Variants in CLIP4 observed in about 807,000 individuals in gnomAD.
CLIP4 encodes CAP-Gly domain containing linker protein family member 4.
A neutral mutation model predicts 73.1 loss-of-function variants in CLIP4; 47 were observed. The observed-to-expected ratio is 0.64, with a 90% CI of 0.51 to 0.82. The LOEUF (loss-of-function observed/expected upper bound fraction) is 0.82, where lower values mean the gene tolerates loss of function less well. Among genes scored for constraint, CLIP4 ranks in the 40% least tolerant of loss-of-function variants. The pLI, the probability that CLIP4 is intolerant of heterozygous loss-of-function variation, is 0.00. For synonymous variants in CLIP4, 306 were observed against 295.4 expected (o/e 1.04, Z -0.37); for missense variants, 874 against 852.9 (o/e 1.02, Z -0.31).
At chr2:29,125,887 T>G (rs371611420) in intron 2 of CLIP4, among the ~76,000 whole-genome samples, 1 of 152,288 alleles carries the variant, frequency 6.6e-6, no homozygotes, top group East Asian at 1.9e-4. Flanking sequence ...TAAAAGCTAT[T>G]TTTTAGGCCG....
At chr2:29,126,675 T>C (rs567905798) in intron 2 of CLIP4, among the ~76,000 whole-genome samples, 19 of 152,318 alleles carry the variant, frequency 1.2e-4, no homozygotes. Flanking sequence ...CGATGGACTT[T>C]CCTGGTTTGC....
chr2:29,181,749 C>G lies in CLIP4; in HGVS notation c.1974C>G (p.Leu658=), dbSNP rs1668658105. 6.2e-7 allele frequency: 1 copy of G among 1,613,990 alleles called. No homozygotes were observed. Among genetic ancestry groups the G allele is most frequent in the Non-Finnish European group, 8.5e-7 (1 of 1,180,014 alleles). ...CAGGTATCTGGCTTGGACTTGAGCTCCGAAGCGCCAAGGGAAAAAATGATG... is the reference window on the plus strand; with the variant it reads ...CAGGTATCTGGCTTGGACTTGAGCTGCGAAGCGCCAAGGGAAAAAATGATG... The part of the protein sequence containing the change: ...FASGIWLGLE[L]RSAKGKNDGS... Residue 658 remains leucine, a synonymous_variant, in exon 16 of 16, where the codon CTC becomes CTG. Coordinates refer to ENST00000320081, the MANE Select transcript of CLIP4 (RefSeq NM_024692.6).
intron 12 of CLIP4, among the ~76,000 whole-genome samples, chr2:29,163,345 C>T (rs1667408823): frequency 6.6e-6 from 1 of 151,872 alleles, no homozygotes; most frequent in Non-Finnish European, 1.5e-5. Flanking sequence ...GTGGTATTTT[C>T]TATAATATTT....
intron 3 of CLIP4, 134 bp downstream of exon 3, chr2:29,131,531 G>A: frequency 3.4e-6 from 3 of 895,222 alleles, no homozygotes; most frequent in Non-Finnish European, 5.0e-6. Context: ...GTATTTCCAG[G>A]ATTTTCATGG....
intron 1 of CLIP4, among the ~76,000 whole-genome samples, chr2:29,107,833 C>G (rs1668272363): frequency 6.6e-6 from 1 of 152,146 alleles, no homozygotes; most frequent in African/African-American, 2.4e-5. Flanking sequence ...ACTACAAGCA[C>G]ATGCTGCTGC....
In CLIP4 at chr2:29,156,436, G is replaced by A. The variant is rs1417795152; in HGVS notation, c.1248G>A (p.Glu416=). ...GTGAAGAACTTAAAACTGTGACAGA[G>A]AAAGATGGTAATATACCTTGTAACC... is the stretch of plus-strand genomic sequence containing the variant. ...PPGEELKTVT[E]KDVALLGSVS... The change falls in exon 10 of 16, where the codon GAG becomes GAA. Residue 416 remains glutamate, a synonymous_variant. Coordinates refer to ENST00000320081, the MANE Select transcript of CLIP4 (RefSeq NM_024692.6). 2 of 1,570,904 alleles carry A rather than the reference G, an allele frequency of 1.3e-6. No homozygotes were observed. The highest frequency in any genetic ancestry group is 1.7e-6 in the Non-Finnish European group (2 of 1,165,556).
At chr2:29,148,239 T>A (rs1666302988) in intron 8 of CLIP4, among the ~76,000 whole-genome samples, 1 of 152,172 alleles carries the variant, frequency 6.6e-6, no homozygotes, top group Non-Finnish European at 1.5e-5. Context: ...AGTTGGGGAA[T>A]CCCCTGGCTA....
intron 15 of CLIP4, among the ~76,000 whole-genome samples, chr2:29,178,522 C>T (rs1668471915): frequency 6.6e-6 from 1 of 152,146 alleles, no homozygotes; most frequent in Admixed American, 6.5e-5. Flanking sequence ...AATCATATTC[C>T]ATATGCCCAT....
intron 1 of CLIP4, among the ~76,000 whole-genome samples, chr2:29,101,521 CT>C (rs1668049255): frequency 6.6e-6 from 1 of 152,052 alleles, no homozygotes; most frequent in Admixed American, 6.6e-5. Context: ...GTTCTTCTGC[CT>C]GCTTTTATCC....
At chr2:29,110,983 G>A (rs1668371523), upstream of CLIP4, among the ~76,000 whole-genome samples, 1 of 152,082 alleles carries the variant, frequency 6.6e-6, no homozygotes, top group Non-Finnish European at 1.5e-5. Flanking sequence ...ACCACGCCTG[G>A]TCAATATTTA....
chr2:29,116,483 C>T (rs140713293), intron 1 of CLIP4, among the ~76,000 whole-genome samples: 1 of 152,302 alleles, frequency 6.6e-6, no homozygotes, highest in African/African-American at 2.4e-5. Flanking sequence ...CAGGAACATC[C>T]GCCAGCACTT....
At chr2:29,129,301 T>C (rs889773497) in intron 2 of CLIP4, among the ~76,000 whole-genome samples, 17 of 152,154 alleles carry the variant, frequency 1.1e-4, no homozygotes, top group Admixed American at 5.9e-4. Flanking sequence ...AATGTTTTTG[T>C]TTATTGAAAA....
intron 1 of CLIP4, among the ~76,000 whole-genome samples, chr2:29,116,899 T>C (rs955324156): frequency 3.9e-5 from 6 of 152,244 alleles, no homozygotes; most frequent in Non-Finnish European, 8.8e-5. Context: ...AAAAGTGACC[T>C]ATGTTGTCTC....
upstream of CLIP4, chr2:29,114,107 T>A (rs1438308081): frequency 1.3e-5 from 2 of 152,022 alleles, no homozygotes; most frequent in Non-Finnish European, 2.9e-5. Flanking sequence ...TTTAGTCAAG[T>A]GTGCTCCACC....
rs541234109 is a variant in CLIP4, at chr2:29,135,725, G to C, written c.648+59G>C. On this transcript the variant is annotated intron_variant, in intron 6 of 15. Coordinates refer to ENST00000320081, the MANE Select transcript of CLIP4 (RefSeq NM_024692.6). ...AAGAATTAAGAAATCTTACTTTCTG[G>C]TAAAATGTTGAATCTGAATGTTATT... is the stretch of plus-strand genomic sequence containing the variant. The C allele has an allele frequency of 5.5e-5, 67 of 1,214,920 alleles. No individual in the cohort carries two copies. The African/African-American group carries it at 9.6e-4, about 17-fold the overall frequency. The allele number at this position is 1,214,920 out of a possible 1,614,324, so 75.3% of individuals were successfully genotyped here.
chr2:29,098,929 GGTT>G lies in CLIP4; in HGVS notation c.-16+986_-16+988del, dbSNP rs141015909. Among the ~76,000 whole-genome samples, 454 of 152,286 alleles carry G rather than the reference GGTT, an allele frequency of 3.0e-3. 2 individuals carry two copies. The highest frequency in any genetic ancestry group is 0.01 in the African/African-American group (434 of 41,558). ...TAATAGGCGTGTAGTGGCATCTCAT[GGTT>G]GTTTTAATCTGCAGCTCCCTAATGA... On this transcript the variant is annotated intron_variant, in intron 1 of 14. Coordinates refer to the CLIP4 transcript ENST00000401605.
chr2:29,174,276 A>G (rs1024995311), intron 14 of CLIP4, 97 bp from the exon 15 acceptor site: 3 of 1,049,118 alleles, frequency 2.9e-6, no homozygotes, highest in Admixed American at 2.3e-5. Context: ...AACATTTAAT[A>G]TAATAGAACA....
intron 15 of CLIP4, among the ~76,000 whole-genome samples, chr2:29,176,410 A>C (rs1418107124): frequency 6.6e-6 from 1 of 152,240 alleles, no homozygotes; most frequent in Non-Finnish European, 1.5e-5. Flanking sequence ...TGGATAATCT[A>C]GTCAGAGATG....
chr2:29,138,014 G>A (rs1016276672), intron 6 of CLIP4, among the ~76,000 whole-genome samples: 1 of 152,072 alleles, frequency 6.6e-6, no homozygotes, highest in Non-Finnish European at 1.5e-5. Context: ...GTTTAATGAG[G>A]TCCTGTTTGA....
Sources: allele counts gnomAD v4.1 joint callset (sites outside exome capture counted in the v4.1 genomes callset), GRCh38; gene constraint gnomAD v4.1.1; transcripts MANE v1.5; gene names NCBI Gene and HGNC (gene_info 2026-07-23, HGNC 2026-07-21).